Variants in CACNA1B observed in about 807,000 individuals in gnomAD.
CACNA1B encodes the protein voltage-dependent N-type calcium channel subunit alpha-1B.
In CACNA1B, 70 loss-of-function variants were observed where a neutral mutation model predicts 247.2. The observed-to-expected ratio is 0.28, with a 90% CI of 0.23 to 0.35. CACNA1B has a LOEUF of 0.35. CACNA1B is among the 10% of genes least tolerant of loss of function. CACNA1B has a pLI of 1.00. For missense variants in CACNA1B, 2,367 were observed against 3,197.4 expected (o/e 0.74, Z 6.26); for synonymous variants, 1,231 against 1,294.4 (o/e 0.95, Z 1.05).
rs1432220773 is a variant in CACNA1B, at chr9:138,073,021, G to A, written c.4675-467G>A. ...CGAGGGCTTTGCTGACTGAGCCAGG[G>A]AGGAAAGGGCATAGCCGTGAAGCCT... On this transcript the variant is annotated intron_variant, in intron 32 of 46. Transcript: ENST00000371372. The surrounding 1 kb of genome is among the most constrained non-coding windows in gnomAD (Gnocchi z 6.4). Among the ~76,000 whole-genome samples the A allele has an allele frequency of 1.3e-5, 2 of 152,232 alleles. No homozygotes were observed. Among genetic ancestry groups the A allele is most frequent in the African/African-American group, 4.8e-5 (2 of 41,458 alleles).
In CACNA1B at chr9:138,102,461, G is replaced by A. The variant is rs767210510; in HGVS notation, c.5223-250G>A. Among the ~76,000 whole-genome samples the A allele has an allele frequency of 2.0e-5, 3 of 152,084 alleles. No individual in the cohort carries two copies. Among genetic ancestry groups the A allele is most frequent in the East Asian group, 1.9e-4 (1 of 5,170 alleles). On this transcript the variant is annotated intron_variant, in intron 37 of 46. Transcript: ENST00000371372. The surrounding 1 kb of genome is among the most constrained non-coding windows in gnomAD (Gnocchi z 5.4). ...AGACGCCACCCCCGCCCACTGCCCC[G>A]CGTGGGGCTGGAGTGAGGAGGTGAG...
chr9:137,971,555 G>A lies in CACNA1B; in HGVS notation c.1506G>A (p.Val502=), dbSNP rs77970942. ...VALNTLCVAM[V]HYNQPRRLTT... ...TGAACACACTGTGTGTGGCCATGGT[G>A]CATTACAACCAGCCGCGGCGGCTTA... The change falls in exon 11 of 47, where the codon GTG becomes GTA. Residue 502 remains valine (V), a synonymous_variant. Coordinates refer to ENST00000371372, the MANE Select transcript of CACNA1B (RefSeq NM_000718.4). The surrounding 1 kb of genome is among the most constrained non-coding windows in gnomAD (Gnocchi z 4.4). 14,170 of 1,613,694 alleles carry A rather than the reference G, an allele frequency of 8.8e-3. 771 individuals are homozygous for A. In the East Asian group the frequency reaches 0.15, roughly 17 times the overall value.
At chr9:137,907,950 T>C (rs1957315940) in intron 3 of CACNA1B, among the ~76,000 whole-genome samples, 1 of 152,108 alleles carries the variant, frequency 6.6e-6, no homozygotes, top group Non-Finnish European at 1.5e-5. Flanking sequence ...TTTTCCATGA[T>C]TTGGAACGGC....
intron 3 of CACNA1B, among the ~76,000 whole-genome samples, chr9:137,906,084 C>T (rs945823122): frequency 5.9e-5 from 9 of 152,226 alleles, no homozygotes; most frequent in African/African-American, 2.2e-4. Context: ...AGGCTGCTTA[C>T]ACCACTGGAG....
In CACNA1B at chr9:137,914,594, C is replaced by A; in HGVS notation, c.623-60C>A. On this transcript the variant is annotated intron_variant, in intron 4 of 46. Coordinates refer to ENST00000371372, the MANE Select transcript of CACNA1B (RefSeq NM_000718.4). This position sits in a 1 kb window ranked among gnomAD's most constrained non-coding sequence, Gnocchi z 4.3. Reference sequence around the variant, plus strand: ...TCCTGCTGTTCTGTCCCTGCCCCCACCAAATTCCTTGCCCTACCCTGCCCA... The same window carrying A: ...TCCTGCTGTTCTGTCCCTGCCCCCAACAAATTCCTTGCCCTACCCTGCCCA... The A allele has an allele frequency of 6.7e-7, 1 of 1,482,650 alleles. No homozygotes were observed. The highest frequency in any genetic ancestry group is 9.3e-7 in the Non-Finnish European group (1 of 1,071,830). 91.8% of individuals were successfully genotyped at this position (1,482,650 alleles called of 1,614,324 possible).
rs958877132 is a variant in CACNA1B at position 138,121,584 on chromosome 9, C to T, written c.6605C>T (p.Thr2202Ile). ...QTPLTPRPSI[T>I]YKTANSSPIH... ...CCCCTGACTCCCCGCCCCAGCATCA[C>T]CTACAAGACGGCCAACTCCTCACCC... is the stretch of plus-strand genomic sequence containing the variant. Residue 2202 changes from threonine (T) to isoleucine (I), a missense_variant, in exon 47 of 47, where the codon ACC becomes ATC. Transcript: ENST00000371372. This position sits in a 1 kb window ranked among gnomAD's most constrained non-coding sequence, Gnocchi z 6.8. 1 of 1,612,568 alleles carries T rather than the reference C, an allele frequency of 6.2e-7. No homozygotes were observed. Among genetic ancestry groups the T allele is most frequent in the Admixed American group, 1.7e-5 (1 of 59,890 alleles).
chr9:138,102,706 T>TAC lies in CACNA1B; in HGVS notation c.5223-5_5223-4insAC. The TAC allele has an allele frequency of 6.2e-7, 1 of 1,603,442 alleles. No individual in the cohort carries two copies. The stretch of plus-strand genomic sequence containing the variant: ...TGCCCTGGCCTCGCTGGGACGGGTT[T>TAC]CCAGTGGGCGCATCAGTTACAATGA... On this transcript the variant is annotated splice_polypyrimidine_tract_variant and splice_region_variant and intron_variant, in intron 37 of 46. Coordinates refer to ENST00000371372, the MANE Select transcript of CACNA1B (RefSeq NM_000718.4). The surrounding 1 kb of genome is among the most constrained non-coding windows in gnomAD (Gnocchi z 5.4).
chr9:138,035,836 T>C (rs548850009), intron 20 of CACNA1B, among the ~76,000 whole-genome samples: 2 of 152,350 alleles, frequency 1.3e-5, no homozygotes, highest in African/African-American at 4.8e-5. Flanking sequence ...TCTACTTTGC[T>C]AATGTGTTTA....
At position 138,048,602 on chromosome 9, in the gene CACNA1B, G is replaced by T. The variant is rs531401750; in HGVS notation, c.3604-607G>T. Among the ~76,000 whole-genome samples the T allele has an allele frequency of 1.2e-4, 18 of 152,312 alleles. No individual in the cohort carries two copies. In the East Asian group the frequency reaches 1.7e-3, roughly 15 times the overall value. ...TCTAAGGTGCACTGATGTCACAGGTGTGCACATAACGTGTGCACTCAGCCA... is the reference window on the plus strand; with the variant it reads ...TCTAAGGTGCACTGATGTCACAGGTTTGCACATAACGTGTGCACTCAGCCA... On this transcript the variant is annotated intron_variant, in intron 23 of 46. Transcript: ENST00000371372.
intron 10 of CACNA1B, among the ~76,000 whole-genome samples, chr9:137,966,481 C>T (rs1958077946): frequency 6.6e-6 from 1 of 151,810 alleles, no homozygotes; most frequent in South Asian, 2.1e-4. Context: ...CCTGCCTCAG[C>T]CTCTGAAAGT....
At position 138,054,334 on chromosome 9, in the gene CACNA1B, A is replaced by T. The variant is rs1959414339; in HGVS notation, c.3968+328A>T. Among the ~76,000 whole-genome samples, 1 of 152,242 alleles carries T rather than the reference A, an allele frequency of 6.6e-6. No homozygotes were observed. Among genetic ancestry groups the T allele is most frequent in the African/African-American group, 2.4e-5 (1 of 41,466 alleles). ...GGGCAAGGCTTTCTCTAAGCCCTAG[A>T]GATCTTGGCTGGGCTGTAAGGTCAG... On this transcript the variant is annotated intron_variant, in intron 26 of 46. Coordinates refer to ENST00000371372, the MANE Select transcript of CACNA1B (RefSeq NM_000718.4). The surrounding 1 kb of genome is among the most constrained non-coding windows in gnomAD (Gnocchi z 4.6).
intron 10 of CACNA1B, among the ~76,000 whole-genome samples, chr9:137,964,263 T>C (rs1958051538): frequency 6.6e-6 from 1 of 152,246 alleles, no homozygotes; most frequent in African/African-American, 2.4e-5. Context: ...GAAGTTCTCC[T>C]GGATGATATC....
intron 6 of CACNA1B, among the ~76,000 whole-genome samples, chr9:137,944,838 G>A (rs998239574): frequency 6.6e-6 from 1 of 152,182 alleles, no homozygotes; most frequent in Admixed American, 6.5e-5. Flanking sequence ...CTGGAACCCC[G>A]AATTTTGCTC....
intron 20 of CACNA1B, among the ~76,000 whole-genome samples, chr9:138,043,051 G>A (rs909394660): frequency 2.6e-5 from 4 of 152,154 alleles, no homozygotes; most frequent in African/African-American, 9.7e-5. Context: ...AAGAATTATT[G>A]TGAGAAAAAC....
intron 15 of CACNA1B, among the ~76,000 whole-genome samples, chr9:137,989,095 C>T (rs980307342): frequency 1.3e-5 from 2 of 152,172 alleles, no homozygotes; most frequent in Non-Finnish European, 2.9e-5. Context: ...GGCGTAATCA[C>T]TCCCAAAGAA....
chr9:138,023,457 A>T lies in CACNA1B; in HGVS notation c.2714A>T (p.Glu905Val). ...GCGGGGCCCCCGGAGGCGCGGAGCGAGCGCGGCCGAGGCCCAGGCCCCGAG... is the reference window on the plus strand; with the variant it reads ...GCGGGGCCCCCGGAGGCGCGGAGCGTGCGCGGCCGAGGCCCAGGCCCCGAG... ...EAAGPPEARS[E>V]RGRGPGPEGG... Residue 905 changes from glutamate (E) to valine (V), a missense_variant, in exon 19 of 47, where the codon GAG (glutamate) becomes GTG (valine). Transcript: ENST00000371372. The T allele has an allele frequency of 8.3e-7, 1 of 1,209,568 alleles. No homozygotes were observed. 74.9% of individuals were successfully genotyped at this position (1,209,568 alleles called of 1,614,324 possible). A position where few individuals can be genotyped will look rare whatever the true frequency, so the allele number is the denominator to read the frequency against.
intron 36 of CACNA1B, among the ~76,000 whole-genome samples, chr9:138,087,940 TTAA>T (rs1370918055): frequency 6.6e-6 from 1 of 151,972 alleles, no homozygotes; most frequent in Non-Finnish European, 1.5e-5. Flanking sequence ...AATAAATGAC[TTAA>T]TGATGCATCT....
In CACNA1B at chr9:138,114,471, C is replaced by T. The variant is rs201828857; in HGVS notation, c.5630C>T (p.Ala1877Val). ...ACCACCAGAGACCAGATGCAGCAGG[C>T]TCCTGGAGGCCTCTCCCAGGTAGCT... The part of the protein sequence containing the change: ...NKTTRDQMQQ[A>V]PGGLSQMGPV... Residue 1877 changes from alanine (A) to valine (V), a missense_variant, in exon 41 of 47, where the codon GCT becomes GTT. Coordinates refer to ENST00000371372, the MANE Select transcript of CACNA1B (RefSeq NM_000718.4). The T allele has an allele frequency of 1.3e-6, 2 of 1,573,210 alleles. No homozygotes were observed. The highest frequency in any genetic ancestry group is 1.7e-6 in the Non-Finnish European group (2 of 1,155,800).
chr9:137,932,576 T>A (rs1957619978), intron 6 of CACNA1B, among the ~76,000 whole-genome samples: 1 of 152,224 alleles, frequency 6.6e-6, no homozygotes, highest in Non-Finnish European at 1.5e-5. Context: ...GGAAGTATCT[T>A]GAGTTGCCCC....
Sources: allele counts gnomAD v4.1 joint callset (sites outside exome capture counted in the v4.1 genomes callset), GRCh38; gene constraint gnomAD v4.1.1; non-coding constraint Gnocchi (gnomAD v3.1); transcripts MANE v1.5; gene names NCBI Gene and HGNC (gene_info 2026-07-23, HGNC 2026-07-21).